CLVS1: variants seen among roughly 807,000 people sequenced by gnomAD.
CLVS1 encodes clavesin 1.
CLVS1 carries 10 observed loss-of-function variants against 33.1 expected under a neutral mutation model. The ratio of observed to expected loss-of-function variants is 0.30; its 90% confidence interval spans 0.19 to 0.51. The LOEUF (loss-of-function observed/expected upper bound fraction) is 0.51. Ranked by LOEUF, CLVS1 falls within the 20% of genes least tolerant of loss-of-function variation. The probability of loss-of-function intolerance (pLI) is 0.97; values close to 1 mark genes in which losing one functional copy is unlikely to be tolerated. For missense variants in CLVS1, 343 were observed against 433.4 expected (o/e 0.79, Z 1.85); for synonymous variants, 163 against 166.1 (o/e 0.98, Z 0.14).
At chr8:61,273,063 C>T (rs1166360373) in intron 2 of CLVS1, among the ~76,000 whole-genome samples, 9 of 151,050 alleles carry the variant, frequency 6.0e-5, no homozygotes, top group Middle Eastern at 3.4e-3. Context: ...GGAGCAGAGG[C>T]GCTCTGCTTT....
At position 61,433,410 on chromosome 8, in the gene CLVS1, C is replaced by T. The variant is rs76901225; in HGVS notation, c.631-20731C>T. Among the ~76,000 whole-genome samples, 148 of 152,316 alleles carry T rather than the reference C, an allele frequency of 9.7e-4. 2 individuals carry two copies. In the East Asian group the frequency reaches 0.022, roughly 22 times the overall value. On this transcript the variant is annotated intron_variant, in intron 3 of 5. Coordinates refer to ENST00000325897, the MANE Select transcript of CLVS1 (RefSeq NM_173519.3). ...AAGTAAAGATGTGAAATTACAGCTACCTGTTTGTGAACAAAAGGAAGTCAG... is the reference window on the plus strand; with the variant it reads ...AAGTAAAGATGTGAAATTACAGCTATCTGTTTGTGAACAAAAGGAAGTCAG...
intron 5 of CLVS1, among the ~76,000 whole-genome samples, chr8:61,462,321 A>G (rs965247949): frequency 2.0e-5 from 3 of 152,220 alleles, no homozygotes; most frequent in African/African-American, 7.2e-5. Context: ...CAGATCCATC[A>G]GACAAATCAC....
chr8:61,405,584 A>G (rs149026948), intron 3 of CLVS1, among the ~76,000 whole-genome samples: 79 of 152,302 alleles, frequency 5.2e-4, no homozygotes, highest in African/African-American at 1.7e-3. Context: ...GACCTGCCTA[A>G]GTAACATAAC....
At chr8:61,223,185 T>A (rs1012870249) in intron 2 of CLVS1, among the ~76,000 whole-genome samples, 14 of 152,112 alleles carry the variant, frequency 9.2e-5, no homozygotes, top group African/African-American at 3.4e-4. Flanking sequence ...ACATTTAAGG[T>A]TTGTACTGTT....
At chr8:61,320,375 GT>G (rs1811152682) in intron 2 of CLVS1, among the ~76,000 whole-genome samples, 1 of 150,776 alleles carries the variant, frequency 6.6e-6, no homozygotes. Flanking sequence ...TAAAAGATAA[GT>G]TTGTTAAAAA....
chr8:61,098,644 A>C (rs184360946), intron 1 of CLVS1, among the ~76,000 whole-genome samples: 140 of 152,268 alleles, frequency 9.2e-4, no homozygotes, highest in African/African-American at 3.2e-3. Flanking sequence ...AGGCAAGATG[A>C]TTAACCCATT....
chr8:61,101,427 T>C (rs1805447578), intron 1 of CLVS1, among the ~76,000 whole-genome samples: 1 of 152,168 alleles, frequency 6.6e-6, no homozygotes, highest in South Asian at 2.1e-4. Flanking sequence ...TCTGGAAAAA[T>C]GTCTATTCAG....
the CLVS1 span, among the ~76,000 whole-genome samples, chr8:61,040,878 T>G: frequency 6.6e-6 from 1 of 152,214 alleles, no homozygotes; most frequent in African/African-American, 2.4e-5. Context: ...CAATTGCTCT[T>G]GAGGACTTGG....
rs369682390 is a variant in CLVS1, at chr8:61,146,913, G to T, written c.-152+15053G>T. On this transcript the variant is annotated intron_variant, in intron 2 of 2. Transcript: ENST00000522621. Reference sequence around the variant, plus strand: ...TTCATATCATCAGCATGGTGGTGGGGTCTTCATACAGTCTTTAGTTAAAGA... The same window carrying T: ...TTCATATCATCAGCATGGTGGTGGGTTCTTCATACAGTCTTTAGTTAAAGA... 5.5e-4 allele frequency among the ~76,000 whole-genome samples: 84 copies of T among 152,336 alleles called. 1 individual carries two copies. In the Middle Eastern group the frequency reaches 0.01, roughly 19 times the overall value.
intron 2 of CLVS1, among the ~76,000 whole-genome samples, chr8:61,265,183 A>T (rs1378874275): frequency 6.6e-6 from 1 of 152,088 alleles, no homozygotes; most frequent in Non-Finnish European, 1.5e-5. Flanking sequence ...ATACTGAGCT[A>T]CTCTCTGCTC....
At chr8:61,363,420 A>T (rs1675515718) in intron 2 of CLVS1, among the ~76,000 whole-genome samples, 1 of 152,222 alleles carries the variant, frequency 6.6e-6, no homozygotes, top group Admixed American at 6.5e-5. Flanking sequence ...AGCTACTGTT[A>T]AGTGGCAGTG....
chr8:61,410,687 G>T (rs1403719087), intron 3 of CLVS1, among the ~76,000 whole-genome samples: 1 of 151,950 alleles, frequency 6.6e-6, no homozygotes, highest in African/African-American at 2.4e-5. Context: ...TGTCACCCCG[G>T]CTGGAGTGCA....
intron 2 of CLVS1, among the ~76,000 whole-genome samples, chr8:61,328,529 CT>C (rs373908897): frequency 6.6e-4 from 96 of 146,044 alleles, no homozygotes; most frequent in East Asian, 2.6e-3. Flanking sequence ...CTTGCCCAGT[CT>C]TTTTTTTTTT....
At chr8:61,311,813 A>G (rs1459970757) in intron 2 of CLVS1, among the ~76,000 whole-genome samples, 1 of 152,208 alleles carries the variant, frequency 6.6e-6, no homozygotes, top group Non-Finnish European at 1.5e-5. Context: ...TCCTTCTCAA[A>G]GCAAGTCCCA....
At chr8:61,159,415 G>T (rs74938057) in intron 2 of CLVS1, among the ~76,000 whole-genome samples, 6,521 of 152,254 alleles carry the variant, frequency 0.043, 277 homozygotes, top group African/African-American at 0.11. Context: ...ATAATGCTGA[G>T]AAAGGATGCT....
chr8:61,073,992 A>G (rs1804852199), intron 1 of CLVS1, among the ~76,000 whole-genome samples: 1 of 147,062 alleles, frequency 6.8e-6, no homozygotes, highest in Admixed American at 6.8e-5. Flanking sequence ...AGCCTGGGCA[A>G]CAGTGAGACT....
intron 2 of CLVS1, among the ~76,000 whole-genome samples, chr8:61,140,414 C>T (rs1458497931): frequency 6.6e-6 from 1 of 152,140 alleles, no homozygotes; most frequent in Non-Finnish European, 1.5e-5. Context: ...GGAAGCATTT[C>T]TTCCGTCCTA....
chr8:61,362,369 A>T (rs1813022450), intron 2 of CLVS1, among the ~76,000 whole-genome samples: 1 of 152,168 alleles, frequency 6.6e-6, no homozygotes, highest in Non-Finnish European at 1.5e-5. Context: ...TCTTTCTTTG[A>T]ATGTTCTGTA....
At chr8:60,974,443 G>A in the CLVS1 span, among the ~76,000 whole-genome samples, 2 of 152,188 alleles carry the variant, frequency 1.3e-5, no homozygotes, top group African/African-American at 2.4e-5. Flanking sequence ...AGGGCTGTCA[G>A]TACTTTGATC....
Sources: gnomAD v4.1 joint callset for allele counts (sites outside exome capture counted in the v4.1 genomes callset) on GRCh38, gnomAD v4.1.1 for gene constraint, MANE v1.5 for transcripts, NCBI Gene and HGNC (gene_info 2026-07-23, HGNC 2026-07-21) for gene names.